The following FNDC3A variants were observed in gnomAD, a reference collection of about 807,000 sequenced individuals.
The protein encoded by FNDC3A is fibronectin type-III domain-containing protein 3A.
Under a neutral mutation model 148.9 loss-of-function variants are expected in FNDC3A, and 32 were observed. The ratio of observed to expected loss-of-function variants is 0.21; its 90% CI spans 0.16 to 0.29. FNDC3A has a LOEUF of 0.29. FNDC3A is among the 10% of genes least tolerant of loss of function. FNDC3A has a pLI of 1.00. For missense variants in FNDC3A, 1,191 were observed against 1,452.8 expected (o/e 0.82, Z 2.93); for synonymous variants, 472 against 473.6 (o/e 1.00, Z 0.04).
intron 2 of FNDC3A, among the ~76,000 whole-genome samples, chr13:49,028,408 T>A (rs1873876547): frequency 6.6e-6 from 1 of 151,974 alleles, no homozygotes; most frequent in Non-Finnish European, 1.5e-5. Context: ...ACCCAGCTAA[T>A]TTTTTAATTT....
upstream of FNDC3A, chr13:48,975,826 T>C (rs1427538682): frequency 6.6e-6 from 1 of 151,050 alleles, no homozygotes; most frequent in Non-Finnish European, 1.5e-5. Context: ...CGCGGCGGGC[T>C]CGAGGCGGGG....
chr13:49,007,175 G>A (rs1952237600), intron 2 of FNDC3A, among the ~76,000 whole-genome samples: 1 of 152,016 alleles, frequency 6.6e-6, no homozygotes, highest in Non-Finnish European at 1.5e-5. Context: ...AAGAAAGTCA[G>A]ATTTTCTTAC....
intron 2 of FNDC3A, among the ~76,000 whole-genome samples, chr13:49,052,491 A>G (rs1366458729): frequency 6.6e-6 from 1 of 152,074 alleles, no homozygotes; most frequent in Non-Finnish European, 1.5e-5. Context: ...CCAGACTGGT[A>G]CTGGGGAGTG....
At chr13:49,047,374 A>G (rs932385181) in intron 2 of FNDC3A, among the ~76,000 whole-genome samples, 2 of 152,076 alleles carry the variant, frequency 1.3e-5, no homozygotes, top group Admixed American at 1.3e-4. Flanking sequence ...ATTTACTTTT[A>G]GTTCTTTAGG....
intron 4 of FNDC3A, among the ~76,000 whole-genome samples, chr13:49,115,764 T>G (rs1880912786): frequency 1.3e-5 from 2 of 152,192 alleles, no homozygotes; most frequent in Admixed American, 1.3e-4. Flanking sequence ...CTACTTTTGT[T>G]TAGCACACTG....
intron 3 of FNDC3A, among the ~76,000 whole-genome samples, chr13:49,114,195 T>C (rs755645934): frequency 1.8e-4 from 27 of 152,182 alleles, no homozygotes; most frequent in Non-Finnish European, 3.2e-4. Flanking sequence ...CTTTTTTATT[T>C]TGTCCCTGTA....
intron 19 of FNDC3A, among the ~76,000 whole-genome samples, chr13:49,196,260 A>G (rs1250707854): frequency 6.6e-6 from 1 of 152,144 alleles, no homozygotes; most frequent in African/African-American, 2.4e-5. Flanking sequence ...GAGCTTTGAA[A>G]AATTGATGAC....
chr13:49,137,323 G>A (rs1403776531), intron 6 of FNDC3A, among the ~76,000 whole-genome samples: 1 of 151,754 alleles, frequency 6.6e-6, no homozygotes, highest in Non-Finnish European at 1.5e-5. Context: ...TCTACTCTAT[G>A]AACTTTGTTT....
At chr13:49,199,562 C>G (rs185787635) in intron 23 of FNDC3A, among the ~76,000 whole-genome samples, 98 of 151,986 alleles carry the variant, frequency 6.4e-4, no homozygotes, top group African/African-American at 2.0e-3. Context: ...TCCTGACCTC[C>G]CGATCCACCT....
intron 8 of FNDC3A, among the ~76,000 whole-genome samples, chr13:49,166,819 T>C (rs1041320258): frequency 1.3e-5 from 2 of 152,238 alleles, no homozygotes; most frequent in East Asian, 3.8e-4. Context: ...ACATTTTAAA[T>C]GAAGTTCCAC....
At chr13:49,044,850 G>T in intron 2 of FNDC3A, 1 of 354,484 alleles carries the variant, frequency 2.8e-6, no homozygotes, top group South Asian at 2.5e-5. Flanking sequence ...TGGGGTTTGT[G>T]CAAGGTTCAA....
chr13:49,082,531 A>G (rs1878545829), intron 3 of FNDC3A, among the ~76,000 whole-genome samples: 5 of 152,100 alleles, frequency 3.3e-5, no homozygotes, highest in Admixed American at 2.6e-4. Flanking sequence ...AACACAAAAG[A>G]GTTTAAGATG....
intron 8 of FNDC3A, among the ~76,000 whole-genome samples, chr13:49,158,993 A>T (rs1486973622): frequency 1.3e-5 from 2 of 152,226 alleles, no homozygotes; most frequent in Non-Finnish European, 2.9e-5. Flanking sequence ...CTGTTTTCTT[A>T]CCAGTAACAT....
intron 2 of FNDC3A, among the ~76,000 whole-genome samples, chr13:49,009,058 A>G (rs1952282818): frequency 6.6e-6 from 1 of 152,166 alleles, no homozygotes; most frequent in South Asian, 2.1e-4. Context: ...ACAGATGGGT[A>G]ATGTCATATA....
chr13:48,998,962 A>G (rs1228353010), intron 1 of FNDC3A, among the ~76,000 whole-genome samples: 1 of 152,244 alleles, frequency 6.6e-6, no homozygotes, highest in African/African-American at 2.4e-5. Flanking sequence ...ATTTCAGAAA[A>G]GGGAGAAGGA....
At chr13:49,101,287 A>G (rs895591600) in intron 3 of FNDC3A, among the ~76,000 whole-genome samples, 1 of 152,296 alleles carries the variant, frequency 6.6e-6, no homozygotes. Context: ...CTCTGTGGAC[A>G]TGTGTCAATT....
At chr13:49,055,698 C>T (rs1021313361) in intron 2 of FNDC3A, among the ~76,000 whole-genome samples, 3 of 152,066 alleles carry the variant, frequency 2.0e-5, no homozygotes, top group African/African-American at 4.8e-5. Flanking sequence ...GCCCCCTGCC[C>T]CTTCAAGTTG....
At chr13:48,999,831 CAAG>C (rs1157873312) in intron 1 of FNDC3A, among the ~76,000 whole-genome samples, 1 of 152,118 alleles carries the variant, frequency 6.6e-6, no homozygotes. Flanking sequence ...GAGGCAACAG[CAAG>C]AAGATAGCCA....
intron 15 of FNDC3A, 77 bp from the exon 16 acceptor site, chr13:49,187,045 T>G: frequency 1.9e-6 from 2 of 1,049,134 alleles, no homozygotes; most frequent in Non-Finnish European, 2.8e-6. Context: ...TAGTTTGGTA[T>G]TCTGTTTATT....
Sources: gnomAD v4.1 joint callset for allele counts (sites outside exome capture counted in the v4.1 genomes callset) on GRCh38, gnomAD v4.1.1 for gene constraint, MANE v1.5 for transcripts, NCBI Gene and HGNC (gene_info 2026-07-23, HGNC 2026-07-21) for gene names.